The following ZPBP variants were observed in gnomAD, a reference collection of about 807,000 sequenced individuals.
The protein encoded by ZPBP is zona pellucida-binding protein 1.
Under a neutral mutation model 44.8 loss-of-function variants are expected in ZPBP, and 26 were observed. That is an observed-to-expected ratio of 0.58 (90% CI 0.43 to 0.81). The LOEUF is 0.81. ZPBP is among the 30% of genes least tolerant of loss of function. The probability of loss-of-function intolerance (pLI) is 0.00; values close to 1 mark genes in which losing one functional copy is unlikely to be tolerated. For synonymous variants in ZPBP, 174 were observed against 153.2 expected (o/e 1.14, Z -1.00); for missense variants, 409 against 434.0 (o/e 0.94, Z 0.51).
intron 4 of ZPBP, among the ~76,000 whole-genome samples, chr7:50,055,641 C>T (rs982163034): frequency 2.0e-5 from 3 of 152,108 alleles, no homozygotes; most frequent in Non-Finnish European, 2.9e-5. Context: ...TTTTGAAATA[C>T]ATTTAATATA....
chr7:50,006,361 C>T (rs750726005), intron 6 of ZPBP, among the ~76,000 whole-genome samples: 3 of 151,850 alleles, frequency 2.0e-5, no homozygotes, highest in Non-Finnish European at 2.9e-5. Flanking sequence ...GTAGACCATA[C>T]GTAAAGCCAC....
At chr7:50,001,062 C>G (rs1342964822) in intron 6 of ZPBP, among the ~76,000 whole-genome samples, 2 of 152,150 alleles carry the variant, frequency 1.3e-5, no homozygotes, top group Non-Finnish European at 2.9e-5. Flanking sequence ...AGGCCCTTGG[C>G]AGAAACCAAC....
At chr7:50,086,656 T>C (rs1173449286) in intron 2 of ZPBP, among the ~76,000 whole-genome samples, 1 of 151,930 alleles carries the variant, frequency 6.6e-6, no homozygotes, top group African/African-American at 2.4e-5. Context: ...GATTACCCAG[T>C]CTGAGAAAAA....
chr7:49,954,867 A>G (rs1795508514), intron 7 of ZPBP, among the ~76,000 whole-genome samples: 1 of 152,202 alleles, frequency 6.6e-6, no homozygotes, highest in Non-Finnish European at 1.5e-5. Context: ...AAAACCAAAA[A>G]TATCAGAATA....
intron 2 of ZPBP, among the ~76,000 whole-genome samples, chr7:49,860,240 AGT>A (rs1583696784): frequency 6.6e-6 from 1 of 152,324 alleles, no homozygotes; most frequent in East Asian, 1.9e-4. Flanking sequence ...CCGCCTGTTA[AGT>A]GGTATCTCCT....
At chr7:50,001,713 C>T (rs1238733493) in intron 6 of ZPBP, among the ~76,000 whole-genome samples, 2 of 152,142 alleles carry the variant, frequency 1.3e-5, no homozygotes, top group Non-Finnish European at 2.9e-5. Context: ...CTTTACCTTA[C>T]TACCTTGAAA....
At chr7:49,857,411 T>G (rs1026151766) in intron 2 of ZPBP, among the ~76,000 whole-genome samples, 1 of 152,224 alleles carries the variant, frequency 6.6e-6, no homozygotes, top group African/African-American at 2.4e-5. Flanking sequence ...TATAGCACAT[T>G]TTCTTCATTC....
At chr7:50,068,277 TC>T (rs1329111761) in intron 3 of ZPBP, among the ~76,000 whole-genome samples, 10 of 152,188 alleles carry the variant, frequency 6.6e-5, no homozygotes, top group Non-Finnish European at 1.5e-4. Flanking sequence ...TTTTGTTCAC[TC>T]CAAGGCATCG....
intron 7 of ZPBP, chr7:49,943,414 G>T: frequency 2.5e-6 from 1 of 405,698 alleles, no homozygotes; most frequent in South Asian, 2.1e-5. Flanking sequence ...ATCTACAATG[G>T]GGACCACATT....
chr7:49,913,659 A>G (rs1029544406), intron 1 of ZPBP: 13 of 152,196 alleles, frequency 8.5e-5, no homozygotes, highest in African/African-American at 3.1e-4. Context: ...GGTCTCTGGC[A>G]TAAGAAGTAT....
chr7:49,926,748 T>A (rs1794249713), intron 1 of ZPBP, among the ~76,000 whole-genome samples: 1 of 152,194 alleles, frequency 6.6e-6, no homozygotes, highest in Non-Finnish European at 1.5e-5. Context: ...TTAAAATGTC[T>A]GTAAGAGAAA....
intron 6 of ZPBP, among the ~76,000 whole-genome samples, chr7:49,985,371 T>C (rs769890862): frequency 1.2e-4 from 19 of 152,176 alleles, no homozygotes; most frequent in Non-Finnish European, 2.2e-4. Context: ...GTAAAATTTA[T>C]TTTGTGATAT....
At chr7:50,022,882 C>T (rs927373519) in intron 5 of ZPBP, among the ~76,000 whole-genome samples, 4 of 152,056 alleles carry the variant, frequency 2.6e-5, no homozygotes, top group Admixed American at 2.0e-4. Flanking sequence ...AGTGGACAAG[C>T]TCCACAGTTA....
At chr7:50,064,563 C>T (rs1801409503) in intron 3 of ZPBP, among the ~76,000 whole-genome samples, 1 of 152,194 alleles carries the variant, frequency 6.6e-6, no homozygotes, top group African/African-American at 2.4e-5. Context: ...GACCTACCCG[C>T]AGGCACACAT....
chr7:49,871,123 T>C (rs1390426582), intron 2 of ZPBP, among the ~76,000 whole-genome samples: 1 of 152,132 alleles, frequency 6.6e-6, no homozygotes, highest in Non-Finnish European at 1.5e-5. Flanking sequence ...ATTTCATAAA[T>C]ACAAAAGGTG....
chr7:49,892,651 G>C (rs1046579513), intron 2 of ZPBP, among the ~76,000 whole-genome samples: 2 of 152,196 alleles, frequency 1.3e-5, no homozygotes, highest in African/African-American at 4.8e-5. Flanking sequence ...TGGGTGGGAA[G>C]GCCTATGTAA....
At chr7:49,897,916 C>A (rs1439886361) in intron 2 of ZPBP, among the ~76,000 whole-genome samples, 3 of 152,168 alleles carry the variant, frequency 2.0e-5, no homozygotes, top group African/African-American at 4.8e-5. Flanking sequence ...GCTCACACTT[C>A]TTGCAGGGGG....
chr7:49,981,675 T>A (rs1286363109), intron 7 of ZPBP, among the ~76,000 whole-genome samples: 720 of 43,862 alleles, frequency 0.016, 225 homozygotes, highest in African/African-American at 0.097. Flanking sequence ...ATATTATATA[T>A]TATATATAAT....
At chr7:49,941,382 A>G (rs1240964316) in intron 7 of ZPBP, among the ~76,000 whole-genome samples, 1 of 152,168 alleles carries the variant, frequency 6.6e-6, no homozygotes. Context: ...AATGGCCAAA[A>G]GGTGGAAACA....
Sources: allele counts gnomAD v4.1 joint callset (sites outside exome capture counted in the v4.1 genomes callset), GRCh38; gene constraint gnomAD v4.1.1; transcripts MANE v1.5; gene names NCBI Gene and HGNC (gene_info 2026-07-23, HGNC 2026-07-21).